Variants in ZNF318 observed in about 807,000 individuals in gnomAD.
The protein encoded by ZNF318 is endocrine regulator.
Under a neutral mutation model 124.2 loss-of-function variants are expected in ZNF318, and 51 were observed. That is an observed-to-expected ratio of 0.41 (90% CI 0.33 to 0.52). ZNF318 has a LOEUF of 0.52. Ranked by LOEUF, ZNF318 falls within the 20% of genes least tolerant of loss-of-function variation. The probability of loss-of-function intolerance (pLI) is 0.23; values close to 1 mark genes in which losing one functional copy is unlikely to be tolerated. For missense variants in ZNF318, 2,815 were observed against 2,811.2 expected (o/e 1.00, Z -0.03); for synonymous variants, 1,090 against 1,040.7 (o/e 1.05, Z -0.91).
chr6:43,365,033 A>G (rs1199310178), intron 2 of ZNF318, among the ~76,000 whole-genome samples: 2 of 152,222 alleles, frequency 1.3e-5, no homozygotes, highest in Non-Finnish European at 1.5e-5. Flanking sequence ...ATGTCCCCTC[A>G]GCCTCTTCTT....
At chr6:43,360,700 A>AT (rs1249951349) in intron 2 of ZNF318, among the ~76,000 whole-genome samples, 1 of 152,252 alleles carries the variant, frequency 6.6e-6, no homozygotes, top group Non-Finnish European at 1.5e-5. Context: ...TTATCCATTC[A>AT]TTCACCACTG....
rs1052741644 is a variant in ZNF318 at position 43,336,203 on chromosome 6, T to C, written c.*955A>G. 3 of 152,560 alleles carry C rather than the reference T, an allele frequency of 2.0e-5. No individual in the cohort carries two copies. Among genetic ancestry groups the C allele is most frequent in the African/African-American group, 7.2e-5 (3 of 41,410 alleles). The allele number at this position is 152,560 out of a possible 1,614,324, so 9.5% of individuals were successfully genotyped here. A position where few individuals can be genotyped will look rare whatever the true frequency, so the allele number is the denominator to read the frequency against. ...AACATCGTACTATGGTTGAAATTAATTGGGAAAGGAGGAGGTAGAGGAAAG... is the reference window on the plus strand; with the variant it reads ...AACATCGTACTATGGTTGAAATTAACTGGGAAAGGAGGAGGTAGAGGAAAG... On this transcript the variant is annotated 3_prime_UTR_variant, in exon 10 of 10. Transcript: ENST00000361428.
intron 2 of ZNF318, chr6:43,363,881 T>TA: frequency 5.6e-6 from 4 of 716,458 alleles, no homozygotes; most frequent in Non-Finnish European, 9.9e-6. Context: ...GGGGCCATCA[T>TA]CCTGGCCAAG....
At position 43,339,080 on chromosome 6, in the gene ZNF318, T is replaced by A. The variant is rs776342191; in HGVS notation, c.4918A>T (p.Ser1640Cys). The A allele has an allele frequency of 1.6e-4, 253 of 1,614,082 alleles. No individual in the cohort carries two copies. The highest frequency in any genetic ancestry group is 2.0e-4 in the Non-Finnish European group (240 of 1,180,044). Residue 1640 changes from serine to cysteine, a missense_variant, in exon 10 of 10, where the codon AGC (serine) becomes TGC (cysteine). Coordinates refer to ENST00000361428, the MANE Select transcript of ZNF318 (RefSeq NM_014345.3). The surrounding 1 kb of genome is among the most constrained non-coding windows in gnomAD (Gnocchi z 4.2). ...TTTGCAATGGGCTTTTCAGAGTTGC[T>A]AACTATAGGAGCAGCGACCAAACCC... ...DEGLVAAPIV[S>C]NSEKPIAKTL...
intron 2 of ZNF318, among the ~76,000 whole-genome samples, chr6:43,362,316 G>C (rs1779692848): frequency 6.6e-6 from 1 of 151,762 alleles, no homozygotes; most frequent in African/African-American, 2.4e-5. Context: ...AGCCTGGCAT[G>C]GTAGTCCGCA....
At position 43,348,634 on chromosome 6, in the gene ZNF318, T is replaced by C; in HGVS notation, c.2771-9A>G. The C allele has an allele frequency of 6.2e-7, 1 of 1,606,628 alleles. No individual in the cohort carries two copies. The highest frequency in any genetic ancestry group is 8.5e-7 in the Non-Finnish European group (1 of 1,175,954). On this transcript the variant is annotated splice_polypyrimidine_tract_variant and intron_variant, in intron 5 of 9. Transcript: ENST00000361428. Reference sequence around the variant, plus strand: ...CTTGCGCAGCATTTCTCCTGAGCAATCAAATGTCAACAAAAAGAAGCACAG... The same window carrying C: ...CTTGCGCAGCATTTCTCCTGAGCAACCAAATGTCAACAAAAAGAAGCACAG...
chr6:43,362,457 A>G (rs1341766719), intron 2 of ZNF318, among the ~76,000 whole-genome samples: 1 of 151,924 alleles, frequency 6.6e-6, no homozygotes, highest in African/African-American at 2.4e-5. Flanking sequence ...GTCTCAAAAA[A>G]TAAATAAATA....
In ZNF318 at chr6:43,336,650, A is replaced by C. The variant is rs371104291; in HGVS notation, c.*508T>G. Reference sequence around the variant, plus strand: ...GTTAAGGCAGGCCCATCCAAATGGAAGCCTAAGAGATGAACAATTCTTCCA... The same window carrying C: ...GTTAAGGCAGGCCCATCCAAATGGACGCCTAAGAGATGAACAATTCTTCCA... On this transcript the variant is annotated 3_prime_UTR_variant, in exon 10 of 10. Transcript: ENST00000361428. 8.5e-5 allele frequency: 13 copies of C among 152,734 alleles called. No individual in the cohort carries two copies. The East Asian group carries it at 1.7e-3, about 20-fold the overall frequency. 9.5% of individuals were successfully genotyped at this position (152,734 alleles called of 1,614,324 possible).
rs1779803223 is a variant in ZNF318 at position 43,369,229 on chromosome 6, G to C, written c.137C>G (p.Ser46Cys). 2 of 1,227,296 alleles carry C rather than the reference G, an allele frequency of 1.6e-6. No individual in the cohort carries two copies. The highest frequency in any genetic ancestry group is 4.4e-5 in the Admixed American group (1 of 22,942). The allele number at this position is 1,227,296 out of a possible 1,614,324, so 76.0% of individuals were successfully genotyped here. Residue 46 changes from serine (S) to cysteine (C), a missense_variant, in exon 1 of 10, where the codon TCC becomes TGC. Ser to Cys is a moderately radical substitution (Grantham distance 112, BLOSUM62 -1). Coordinates refer to ENST00000361428, the MANE Select transcript of ZNF318 (RefSeq NM_014345.3). The stretch of plus-strand genomic sequence containing the variant: ...AGCCGGGGTCCGCGACGAGGAGCCG[G>C]AGGGCGGAGGCGGCGGTGAGCTGCG... ...ARRSSPPPPP[S>C]GSSSRTPARR...
intron 2 of ZNF318, chr6:43,363,561 C>T (rs992838241): frequency 1.4e-5 from 4 of 288,550 alleles, no homozygotes; most frequent in African/African-American, 4.5e-5. Flanking sequence ...GCTGAGGCCA[C>T]GGAGCTCGTG....
At position 43,357,541 on chromosome 6, in the gene ZNF318, T is replaced by C. The variant is rs139440425; in HGVS notation, c.773A>G (p.Lys258Arg). ...TTCTTCAGATCGTATGGAGTAGCCT[T>C]TGAGTTTTTCTCGATTCCGTTCTGT... The part of the protein sequence containing the change: ...RGTERNREKL[K>R]GYSIRSEERS... Residue 258 changes from lysine to arginine, a missense_variant, in exon 3 of 10, where the codon AAA becomes AGA. Physicochemically the swap from Lys to Arg is conservative, Grantham distance 26 (BLOSUM62 2). Transcript: ENST00000361428. The C allele has an allele frequency of 6.2e-7, 1 of 1,614,022 alleles. No homozygotes were observed. Among genetic ancestry groups the C allele is most frequent in the African/African-American group, 1.3e-5 (1 of 74,912 alleles).
chr6:43,350,020 C>A (rs1434859345), intron 5 of ZNF318, among the ~76,000 whole-genome samples: 1 of 152,156 alleles, frequency 6.6e-6, no homozygotes. Flanking sequence ...GAGGTCGAGG[C>A]AGGCGGATCA....
intron 5 of ZNF318, among the ~76,000 whole-genome samples, chr6:43,349,777 T>A (rs1021651293): frequency 6.6e-6 from 1 of 152,062 alleles, no homozygotes; most frequent in South Asian, 2.1e-4. Context: ...AACATTTTTG[T>A]GTGTGTGTGC....
In ZNF318 at chr6:43,339,374, G is replaced by A. The variant is rs768320390; in HGVS notation, c.4624C>T (p.Leu1542Phe). 6.2e-7 allele frequency: 1 copy of A among 1,614,170 alleles called. No individual in the cohort carries two copies. Among genetic ancestry groups the A allele is most frequent in the East Asian group, 2.2e-5 (1 of 44,878 alleles). Residue 1542 changes from leucine (L) to phenylalanine (F), a missense_variant, in exon 10 of 10, where the codon CTC becomes TTC. Physicochemically the swap from Leu to Phe is conservative, Grantham distance 22. Around this residue, in one of 4 missense-constraint regions of ZNF318, gnomAD observed 500 missense variants for 605.2 expected, o/e 0.83. Coordinates refer to ENST00000361428, the MANE Select transcript of ZNF318 (RefSeq NM_014345.3). This position sits in a 1 kb window ranked among gnomAD's most constrained non-coding sequence, Gnocchi z 4.2. ...FSVLVRPPPP[L>F]SSVFSEQAKK... Reference sequence around the variant, plus strand: ...GCTTGTTCACTGAACACACTTGAGAGGGGTGGTGGAGGACGTACTAACACA... The same window carrying A: ...GCTTGTTCACTGAACACACTTGAGAAGGGTGGTGGAGGACGTACTAACACA...
At chr6:43,367,171 C>T (rs1779773359) in intron 1 of ZNF318, among the ~76,000 whole-genome samples, 1 of 152,162 alleles carries the variant, frequency 6.6e-6, no homozygotes, top group Non-Finnish European at 1.5e-5. Flanking sequence ...CTTCTTAGTC[C>T]TTCTTAGTAC....
intron 1 of ZNF318, 27 bp downstream of exon 1, chr6:43,368,940 G>GGAGT: frequency 2.2e-6 from 3 of 1,365,158 alleles, no homozygotes; most frequent in Non-Finnish European, 1.9e-6. Flanking sequence ...GGGGATGGAG[G>GGAGT]GAGTCCTGGA....
chr6:43,368,960 G>C lies in ZNF318; in HGVS notation c.399+7C>G, dbSNP rs1779797212. On this transcript the variant is annotated splice_region_variant and intron_variant, in intron 1 of 9. Transcript: ENST00000361428. ...TGGAGGGAGTCCTGGACGAGGGGTGGGATTACCCGGCTGCCGCTGTCGCCT... is the reference window on the plus strand; with the variant it reads ...TGGAGGGAGTCCTGGACGAGGGGTGCGATTACCCGGCTGCCGCTGTCGCCT... The C allele has an allele frequency of 7.1e-7, 1 of 1,398,728 alleles. No homozygotes were observed. The highest frequency in any genetic ancestry group is 2.9e-5 in the Admixed American group (1 of 34,228). The allele number at this position is 1,398,728 out of a possible 1,614,324, so 86.6% of individuals were successfully genotyped here.
At position 43,369,311 on chromosome 6, in the gene ZNF318, C is replaced by A; in HGVS notation, c.55G>T (p.Gly19Cys). The A allele has an allele frequency of 7.4e-7, 1 of 1,348,108 alleles. No homozygotes were observed. Among genetic ancestry groups the A allele is most frequent in the Non-Finnish European group, 9.6e-7 (1 of 1,042,760 alleles). The allele number at this position is 1,348,108 out of a possible 1,614,324, so 83.5% of individuals were successfully genotyped here. ...SVSSHRPKDD[G>C]GGGPRSGRSS... The stretch of plus-strand genomic sequence containing the variant: ...CGGCCGCTGCGCGGGCCGCCCCCGC[C>A]GTCGTCTTTAGGCCGGTGGGAAGAG... The change falls in exon 1 of 10, where the codon GGC becomes TGC. Residue 19 changes from glycine (G) to cysteine (C), a missense_variant. By Grantham distance (159) the Gly-to-Cys change is radical. Around this residue, in one of 4 missense-constraint regions of ZNF318, gnomAD observed 1,377 missense variants for 1,353.5 expected, o/e 1.02. Coordinates refer to ENST00000361428, the MANE Select transcript of ZNF318 (RefSeq NM_014345.3).
chr6:43,361,094 G>A (rs976121661), intron 2 of ZNF318, among the ~76,000 whole-genome samples: 5 of 152,114 alleles, frequency 3.3e-5, no homozygotes, highest in South Asian at 2.1e-4. Flanking sequence ...ATTACATCTC[G>A]ATAAAGCTGT....
Sources: allele counts gnomAD v4.1 joint callset (sites outside exome capture counted in the v4.1 genomes callset), GRCh38; gene constraint gnomAD v4.1.1; regional missense constraint gnomAD v4.1.1; non-coding constraint Gnocchi (gnomAD v3.1); transcripts MANE v1.5; gene names NCBI Gene and HGNC (gene_info 2026-07-23, HGNC 2026-07-21).